The following AKAP13 variants were observed in gnomAD, a reference collection of about 807,000 sequenced individuals.
AKAP13 encodes the protein A-kinase anchoring protein 13, also known as A-kinase anchor protein 13.
AKAP13 carries 80 observed loss-of-function variants against 264.5 expected under a neutral mutation model. That is an observed-to-expected ratio of 0.30 (90% CI 0.25 to 0.36). AKAP13 has a LOEUF of 0.36. Among genes scored for constraint, AKAP13 ranks in the 10% least tolerant of loss-of-function variants. The probability of loss-of-function intolerance (pLI) is 1.00; values close to 1 mark genes in which losing one functional copy is unlikely to be tolerated. For missense variants in AKAP13, 3,712 were observed against 3,435.2 expected, an observed-to-expected ratio of 1.08 and a Z score of -2.01; for synonymous variants, 1,380 against 1,250.2, an observed-to-expected ratio of 1.10 and a Z score of -2.19.
At chr15:85,652,363 ACTGT>A (rs1300598073) in intron 10 of AKAP13, among the ~76,000 whole-genome samples, 1 of 152,172 alleles carries the variant, frequency 6.6e-6, no homozygotes, top group Non-Finnish European at 1.5e-5. Flanking sequence ...CACCTATATA[ACTGT>A]CTGTGAGTTG....
At chr15:85,605,529 T>C (rs2080284777) in intron 8 of AKAP13, among the ~76,000 whole-genome samples, 1 of 152,188 alleles carries the variant, frequency 6.6e-6, no homozygotes, top group South Asian at 2.1e-4. Context: ...ATTGCTGGGC[T>C]TAATACCTGG....
At chr15:85,651,087 A>G (rs1043126405) in intron 10 of AKAP13, among the ~76,000 whole-genome samples, 1 of 152,232 alleles carries the variant, frequency 6.6e-6, no homozygotes, top group East Asian at 1.9e-4. Context: ...GTAATAAGAT[A>G]TAAAGTATGC....
At chr15:85,405,269 C>T (rs1596064459) in intron 1 of AKAP13, among the ~76,000 whole-genome samples, 4 of 152,064 alleles carry the variant, frequency 2.6e-5, no homozygotes, top group Admixed American at 2.6e-4. Flanking sequence ...AGTCTTTCCC[C>T]TTTTACTAAA....
At chr15:85,679,218 C>T (rs1360297005) in intron 14 of AKAP13, among the ~76,000 whole-genome samples, 3 of 151,224 alleles carry the variant, frequency 2.0e-5, no homozygotes, top group South Asian at 2.1e-4. Flanking sequence ...CCAGCCCAGG[C>T]GACAGTGTGA....
chr15:85,581,693 C>G lies in AKAP13; in HGVS notation c.3625C>G (p.Pro1209Ala), dbSNP rs751773181. 6.2e-7 allele frequency: 1 copy of G among 1,614,134 alleles called. No individual in the cohort carries two copies. Among genetic ancestry groups the G allele is most frequent in the Non-Finnish European group, 8.5e-7 (1 of 1,180,018 alleles). The change falls in exon 7 of 37, where the codon CCA becomes GCA. Residue 1209 changes from proline to alanine, a missense_variant. Transcript: ENST00000394518. ...MELSAHDDGAPAGVREVMRAP... is the reference protein window; with the variant it reads ...MELSAHDDGAAAGVREVMRAP... ...GCTCTCAGCCCATGATGATGGGGCC[C>G]CAGCTGGTGTGAGGGAAGTCATGCG...
intron 6 of AKAP13, chr15:85,577,970 T>C: frequency 1.2e-5 from 3 of 255,240 alleles, no homozygotes; most frequent in South Asian, 1.5e-4. Context: ...GTAAGTAGAC[T>C]CTGCCCTTCT....
Position 85,546,730 on chromosome 15 carries a change from A to G in AKAP13, c.662+2775A>G, listed in dbSNP as rs557337705. Among the ~76,000 whole-genome samples the G allele has an allele frequency of 4.0e-5, 6 of 150,526 alleles. No homozygotes were observed. The East Asian group carries it at 5.8e-4, about 15-fold the overall frequency. On this transcript the variant is annotated intron_variant, in intron 5 of 36. Coordinates refer to ENST00000394518, the MANE Select transcript of AKAP13 (RefSeq NM_007200.5). ...AAGAATCGCCACAATGTATGATGCT[A>G]TCTTTCTTTTTTTTTTTTTTTTCTT...
At chr15:85,440,309 C>G (rs2073581093) in intron 1 of AKAP13, among the ~76,000 whole-genome samples, 1 of 152,160 alleles carries the variant, frequency 6.6e-6, no homozygotes, top group African/African-American at 2.4e-5. Context: ...CTGTTTCTGT[C>G]AGGCATATTT....
chr15:85,515,302 A>T (rs1268850711), intron 2 of AKAP13, among the ~76,000 whole-genome samples: 1 of 138,312 alleles, frequency 7.2e-6, no homozygotes, highest in African/African-American at 2.9e-5. Flanking sequence ...AACTGTTGAC[A>T]TTTTGCCATA....
intron 14 of AKAP13, 61 bp from the exon 15 acceptor site, chr15:85,682,097 T>C (rs967879795): frequency 5.4e-6 from 8 of 1,468,374 alleles, no homozygotes; most frequent in Middle Eastern, 1.7e-4. Context: ...TTTATAAATA[T>C]TCTACCCGGC....
chr15:85,657,653 C>T (rs962603683), intron 11 of AKAP13, among the ~76,000 whole-genome samples: 1 of 149,912 alleles, frequency 6.7e-6, no homozygotes, highest in Non-Finnish European at 1.5e-5. Context: ...TTTTTATATA[C>T]GTTTGAGACC....
At chr15:85,545,853 G>A (rs1026579252) in intron 5 of AKAP13, among the ~76,000 whole-genome samples, 8 of 151,956 alleles carry the variant, frequency 5.3e-5, no homozygotes, top group South Asian at 2.1e-4. Context: ...TATACATAAC[G>A]TAAAAATGGT....
At position 85,741,976 on chromosome 15, in the gene AKAP13, T is replaced by C. The variant is rs980159014; in HGVS notation, c.8058+481T>C. On this transcript the variant is annotated intron_variant, in intron 35 of 36. Coordinates refer to ENST00000394518, the MANE Select transcript of AKAP13 (RefSeq NM_007200.5). ...ATGAGAATCGCTTGAACCGGGGAGG[T>C]GGGGATTGCAGCGAGCCGAGATCTC... is the stretch of plus-strand genomic sequence containing the variant. Among the ~76,000 whole-genome samples the C allele has an allele frequency of 2.0e-5, 3 of 151,692 alleles. No homozygotes were observed. The East Asian group carries it at 5.8e-4, about 29-fold the overall frequency.
chr15:85,461,606 G>GTT (rs34585639), intron 1 of AKAP13, among the ~76,000 whole-genome samples: 13 of 150,932 alleles, frequency 8.6e-5, no homozygotes, highest in East Asian at 1.9e-4. Context: ...TAAATGGTGT[G>GTT]TTTTTTTTTG....
intron 1 of AKAP13, among the ~76,000 whole-genome samples, chr15:85,413,096 G>T (rs145141149): frequency 6.6e-6 from 1 of 152,190 alleles, no homozygotes; most frequent in Non-Finnish European, 1.5e-5. Flanking sequence ...TTTGTAAGTC[G>T]GCACTGTGTC....
rs551953334 is a variant in AKAP13 at position 85,688,705 on chromosome 15, C to T, written c.5289+3832C>T. 3.3e-4 allele frequency among the ~76,000 whole-genome samples: 51 copies of T among 152,270 alleles called. 1 individual carries two copies. Among genetic ancestry groups the T allele is most frequent in the African/African-American group, 1.2e-3 (50 of 41,556 alleles). Reference sequence around the variant, plus strand: ...AGGGTAACATATTTTGTCTGGATCACTGGGTTTTGTATATAAACTTAAGAA... The same window carrying T: ...AGGGTAACATATTTTGTCTGGATCATTGGGTTTTGTATATAAACTTAAGAA... On this transcript the variant is annotated intron_variant, in intron 16 of 36. Coordinates refer to ENST00000394518, the MANE Select transcript of AKAP13 (RefSeq NM_007200.5).
intron 8 of AKAP13, among the ~76,000 whole-genome samples, chr15:85,622,421 G>A (rs2081235717): frequency 6.6e-6 from 1 of 152,196 alleles, no homozygotes; most frequent in African/African-American, 2.4e-5. Flanking sequence ...GGCCATTGTG[G>A]TGGATGGGAG....
At chr15:85,596,750 T>A (rs760872749) in intron 8 of AKAP13, among the ~76,000 whole-genome samples, 2 of 152,206 alleles carry the variant, frequency 1.3e-5, no homozygotes, top group African/African-American at 2.4e-5. Context: ...TTGGGGTAAA[T>A]TGTATAGCTT....
At chr15:85,608,328 A>G (rs7162084) in intron 8 of AKAP13, among the ~76,000 whole-genome samples, 2 of 152,004 alleles carry the variant, frequency 1.3e-5, no homozygotes, top group Non-Finnish European at 2.9e-5. Flanking sequence ...TAATAACTAA[A>G]TTTGGTCAGC....
Sources: allele counts gnomAD v4.1 joint callset (sites outside exome capture counted in the v4.1 genomes callset), GRCh38; gene constraint gnomAD v4.1.1; transcripts MANE v1.5; gene names NCBI Gene and HGNC (gene_info 2026-07-23, HGNC 2026-07-21).